The following BACC1 variants were observed in gnomAD, a reference collection of about 807,000 sequenced individuals.
BACC1 encodes the protein BPTF associated chromatin complex component 1, also known as BPTF-associated chromatin complex component 1.
the BACC1 span, chr17:7,017,248 C>T: frequency 6.2e-7 from 1 of 1,614,030 alleles, no homozygotes; most frequent in African/African-American, 1.3e-5. Flanking sequence ...ATTTTACTTC[C>T]TGTTCCAGAC....
chr17:7,017,022 T>A, the BACC1 span: 2 of 1,600,874 alleles, frequency 1.2e-6, no homozygotes, highest in South Asian at 2.2e-5. Context: ...AGGGTAGGAG[T>A]CCTCCTCCTC....
At chr17:7,015,082 G>A in the BACC1 span, 1 of 1,562,430 alleles carries the variant, frequency 6.4e-7, no homozygotes, top group South Asian at 1.2e-5. Flanking sequence ...TCTTCTCGGC[G>A]GCCGGCGCCG....
chr17:7,015,375 G>C, the BACC1 span: 1 of 1,375,860 alleles, frequency 7.3e-7, no homozygotes, highest in Non-Finnish European at 9.3e-7. Context: ...AGTTCTCCCT[G>C]CTGCGAACGG....
At chr17:7,015,272 GCA>G in the BACC1 span, 2 of 1,416,124 alleles carry the variant, frequency 1.4e-6, no homozygotes, top group East Asian at 5.8e-5. Flanking sequence ...GCGTGGCACA[GCA>G]CAGAGTCGGT....
At chr17:7,014,980 C>G in the BACC1 span, 2 of 1,431,906 alleles carry the variant, frequency 1.4e-6, no homozygotes, top group East Asian at 6.0e-5. This position sits in a 1 kb window ranked among gnomAD's most constrained non-coding sequence, Gnocchi z 4.5. Flanking sequence ...CGGGCGGGAG[C>G]CGAGCCTGGG....
the BACC1 span, chr17:7,016,503 T>A: frequency 3.7e-6 from 6 of 1,613,338 alleles, no homozygotes; most frequent in Admixed American, 1.0e-4. Flanking sequence ...AGGGCCCAGA[T>A]AAAGGCCACT....
At chr17:7,015,930 C>A in the BACC1 span, 3 of 1,466,040 alleles carry the variant, frequency 2.0e-6, no homozygotes, top group Non-Finnish European at 2.9e-6. Context: ...TTCCTCCTTA[C>A]CCAAGGTTCC....
chr17:7,015,082 G>C, the BACC1 span: 1 of 1,562,430 alleles, frequency 6.4e-7, no homozygotes, highest in Non-Finnish European at 8.6e-7. Flanking sequence ...TCTTCTCGGC[G>C]GCCGGCGCCG....
chr17:7,015,247 T>C, the BACC1 span: 1 of 1,441,510 alleles, frequency 6.9e-7, no homozygotes. Context: ...GGGACAGACA[T>C]TAGTTTCCCT....
the BACC1 span, chr17:7,014,911 C>T: frequency 1.3e-6 from 2 of 1,506,006 alleles, no homozygotes; most frequent in Non-Finnish European, 1.8e-6. The surrounding 1 kb of genome is among the most constrained non-coding windows in gnomAD (Gnocchi z 4.5). Flanking sequence ...CGCTCCCTGG[C>T]GGCCACGGGA....
the BACC1 span, chr17:7,016,297 A>T: frequency 1.7e-6 from 1 of 592,596 alleles, no homozygotes; most frequent in Non-Finnish European, 2.9e-6. Flanking sequence ...CCCACTACTC[A>T]GTTCAGGGAC....
At chr17:7,016,092 G>A in the BACC1 span, 1 of 558,536 alleles carries the variant, frequency 1.8e-6, no homozygotes, top group Non-Finnish European at 3.2e-6. Context: ...GTGAATTTAG[G>A]TTGCCTGAGA....
At chr17:7,017,323 C>A in the BACC1 span, 5 of 1,608,384 alleles carry the variant, frequency 3.1e-6, no homozygotes, top group East Asian at 8.9e-5. Flanking sequence ...TCCTGCTGAG[C>A]CTTCCACCTC....
the BACC1 span, chr17:7,016,558 T>A: frequency 6.2e-7 from 1 of 1,614,174 alleles, no homozygotes; most frequent in Non-Finnish European, 8.5e-7. Flanking sequence ...CCCTTCCAGC[T>A]GAGTCACCCA....
At chr17:7,015,384 G>C in the BACC1 span, 1 of 1,370,752 alleles carries the variant, frequency 7.3e-7, no homozygotes, top group Non-Finnish European at 9.4e-7. Context: ...TGCTGCGAAC[G>C]GGTCGACCAC....
chr17:7,017,171 A>G, the BACC1 span: 1 of 1,583,564 alleles, frequency 6.3e-7, no homozygotes, highest in Non-Finnish European at 8.7e-7. Flanking sequence ...ATCAGTACGT[A>G]GCAGGGTGTT....
At chr17:7,016,336 G>GTT in the BACC1 span, 4 of 703,748 alleles carry the variant, frequency 5.7e-6, no homozygotes, top group Non-Finnish European at 9.6e-6. Flanking sequence ...TCCATCCTGA[G>GTT]TGAGTGTAAA....
At chr17:7,016,760 AAAG>A in the BACC1 span, 1 of 1,546,482 alleles carries the variant, frequency 6.5e-7, no homozygotes, top group Non-Finnish European at 8.8e-7. Context: ...GGCCTGGGTC[AAAG>A]AAGGGTCAGT....
chr17:7,015,765 T>G, the BACC1 span: 8 of 1,608,962 alleles, frequency 5.0e-6, no homozygotes, highest in South Asian at 6.6e-5. Context: ...CCCTCTCCCC[T>G]TCTGACAGTG....
Sources: allele counts gnomAD v4.1 joint callset, GRCh38; gene constraint gnomAD v4.1.1; non-coding constraint Gnocchi (gnomAD v3.1); transcripts MANE v1.5; gene names NCBI Gene and HGNC (gene_info 2026-07-23, HGNC 2026-07-21).